Variants in SYNJ2 observed in about 807,000 individuals in gnomAD.
The protein encoded by SYNJ2 is synaptojanin 2, also known as polyphosphatidylinositol phosphatase SYNJ2.
In SYNJ2, 116 loss-of-function variants were observed where a neutral mutation model predicts 141.3. The ratio of observed to expected loss-of-function variants is 0.82; its 90% CI spans 0.71 to 0.96. SYNJ2 has a LOEUF of 0.96. Among genes scored for constraint, SYNJ2 ranks in the 40% least tolerant of loss-of-function variants. The pLI is 0.00. For synonymous variants in SYNJ2, 745 were observed against 777.7 expected, an observed-to-expected ratio of 0.96 and a Z score of 0.70; for missense variants, 1,873 against 1,934.8, an observed-to-expected ratio of 0.97 and a Z score of 0.60.
chr6:158,068,907 G>A (rs982856235), intron 13 of SYNJ2, among the ~76,000 whole-genome samples, 179 bp downstream of exon 13: 2 of 152,158 alleles, frequency 1.3e-5, no homozygotes, highest in Admixed American at 6.5e-5. Context: ...GCACCACCCC[G>A]TTCTTTCCCT....
chr6:158,035,521 G>A (rs897913587), intron 4 of SYNJ2, among the ~76,000 whole-genome samples: 3 of 152,102 alleles, frequency 2.0e-5, no homozygotes, highest in African/African-American at 4.8e-5. Flanking sequence ...AGACTTTGCC[G>A]AAGCTGTTTA....
In SYNJ2 at chr6:158,083,499, T is replaced by C; in HGVS notation, c.2936T>C (p.Ile979Thr). Reference protein sequence around the residue: ...DWLKGLREEIIRKRDSMAPVS... With the variant: ...DWLKGLREEITRKRDSMAPVS... Reference sequence around the variant, plus strand: ...CTGAAAGGTTTGCGAGAGGAGATCATTCGGAAACGAGACAGCATGGCCCCC... The same window carrying C: ...CTGAAAGGTTTGCGAGAGGAGATCACTCGGAAACGAGACAGCATGGCCCCC... The change falls in exon 21 of 27, where the codon ATT becomes ACT. Residue 979 changes from isoleucine to threonine, a missense_variant. Coordinates refer to ENST00000355585, the MANE Select transcript of SYNJ2 (RefSeq NM_003898.4). 1.9e-6 allele frequency: 3 copies of C among 1,614,120 alleles called. No homozygotes were observed. Among genetic ancestry groups the C allele is most frequent in the Non-Finnish European group, 2.5e-6 (3 of 1,180,030 alleles).
chr6:158,062,348 G>A (rs2128363412), intron 8 of SYNJ2, 184 bp downstream of exon 8: 1 of 672,710 alleles, frequency 1.5e-6, no homozygotes, highest in South Asian at 6.6e-5. Flanking sequence ...TGGTTTCCTG[G>A]GTCATAAGCT....
intron 1 of SYNJ2, among the ~76,000 whole-genome samples, chr6:157,989,390 T>C (rs867253961): frequency 4.1e-4 from 60 of 146,906 alleles, no homozygotes; most frequent in African/African-American, 1.5e-3. Context: ...CAGAGAACAA[T>C]ATGTTCAGTA....
rs1439352986 is a variant in SYNJ2, at chr6:158,097,727, T to C, written c.*1363T>C. ...TACCAATTAGACATCTGGAATTTCA[T>C]AATTAGTTTTCATTGTCACTGTCAA... On this transcript the variant is annotated 3_prime_UTR_variant, in exon 27 of 27. Coordinates refer to ENST00000355585, the MANE Select transcript of SYNJ2 (RefSeq NM_003898.4). The C allele has an allele frequency of 1.3e-5, 2 of 152,162 alleles. No individual in the cohort carries two copies. The highest frequency in any genetic ancestry group is 4.8e-5 in the African/African-American group (2 of 41,418). The allele number at this position is 152,162 out of a possible 1,614,324, so 9.4% of individuals were successfully genotyped here.
chr6:158,015,595 A>T (rs1175109040), intron 1 of SYNJ2, among the ~76,000 whole-genome samples: 1 of 152,230 alleles, frequency 6.6e-6, no homozygotes, highest in Non-Finnish European at 1.5e-5. Context: ...GGTTAGCCGT[A>T]TCTCTGACCC....
intron 1 of SYNJ2, among the ~76,000 whole-genome samples, chr6:158,011,027 G>A (rs1015107183): frequency 6.6e-6 from 1 of 151,452 alleles, no homozygotes; most frequent in African/African-American, 2.4e-5. Flanking sequence ...CATAATGGTG[G>A]GGGGACACAT....
chr6:158,017,127 T>C (rs1174019274), intron 1 of SYNJ2, 77 bp from the exon 2 acceptor site: 8 of 1,540,820 alleles, frequency 5.2e-6, no homozygotes, highest in Non-Finnish European at 7.0e-6. Flanking sequence ...GAAGCCAGCT[T>C]GGCAAGCCGG....
intron 4 of SYNJ2, among the ~76,000 whole-genome samples, chr6:158,039,766 C>T (rs1779839236): frequency 7.1e-6 from 1 of 141,814 alleles, no homozygotes. Flanking sequence ...CCCCAGGGTG[C>T]AGGGAGCAAC....
chr6:158,017,048 A>G (rs959556768), intron 1 of SYNJ2, 156 bp from the exon 2 acceptor site: 3 of 1,345,178 alleles, frequency 2.2e-6, no homozygotes, highest in African/African-American at 3.0e-5. Context: ...TTCGCGAATC[A>G]TAAAACCTCC....
At chr6:158,011,314 C>T (rs1306046371) in intron 1 of SYNJ2, among the ~76,000 whole-genome samples, 1 of 152,166 alleles carries the variant, frequency 6.6e-6, no homozygotes, top group Non-Finnish European at 1.5e-5. Context: ...GCCTGGATTT[C>T]AGCTCTCTGG....
rs767387767 is a variant in SYNJ2, at chr6:158,071,807, G to T, written c.2133+13G>T. 1.9e-6 allele frequency: 3 copies of T among 1,610,450 alleles called. No individual in the cohort carries two copies. Among genetic ancestry groups the T allele is most frequent in the Admixed American group, 3.3e-5 (2 of 59,888 alleles). On this transcript the variant is annotated intron_variant, in intron 15 of 26. Transcript: ENST00000355585. The surrounding 1 kb of genome is among the most constrained non-coding windows in gnomAD (Gnocchi z 4.3). ...CTGCTTCCCAATGGTGAGCGGCGCCGTGGGGACAGCCAGCACCTCCCTGCT... is the reference window on the plus strand; with the variant it reads ...CTGCTTCCCAATGGTGAGCGGCGCCTTGGGGACAGCCAGCACCTCCCTGCT...
chr6:158,019,070 C>T lies in SYNJ2; in HGVS notation c.214+1780C>T, dbSNP rs555869230. The stretch of plus-strand genomic sequence containing the variant: ...TGCCTTGCAGGTGTGGCAGGGATGC[C>T]GCGTTCCATCCATGCTGATGCCCTT... On this transcript the variant is annotated intron_variant, in intron 2 of 26. Coordinates refer to ENST00000355585, the MANE Select transcript of SYNJ2 (RefSeq NM_003898.4). Among the ~76,000 whole-genome samples, 8 of 152,362 alleles carry T rather than the reference C, an allele frequency of 5.3e-5. No individual in the cohort carries two copies. The East Asian group carries it at 5.8e-4, about 11-fold the overall frequency.
Position 158,071,068 on chromosome 6 carries a change from A to G in SYNJ2, c.1941-534A>G, listed in dbSNP as rs1781890148. ...CGTGATGGTGGGTACCTGTAATCCC[A>G]GCTACTCAGGAGGCTGAGGCAGGAG... is the stretch of plus-strand genomic sequence containing the variant. On this transcript the variant is annotated intron_variant, in intron 14 of 26. Coordinates refer to ENST00000355585, the MANE Select transcript of SYNJ2 (RefSeq NM_003898.4). The surrounding 1 kb of genome is among the most constrained non-coding windows in gnomAD (Gnocchi z 4.3). Among the ~76,000 whole-genome samples, 1 of 152,204 alleles carries G rather than the reference A, an allele frequency of 6.6e-6. No individual in the cohort carries two copies. The highest frequency in any genetic ancestry group is 1.5e-5 in the Non-Finnish European group (1 of 68,040).
intron 1 of SYNJ2, among the ~76,000 whole-genome samples, chr6:157,999,926 T>C (rs1272992641): frequency 3.3e-5 from 5 of 152,128 alleles, no homozygotes; most frequent in African/African-American, 4.8e-5. Flanking sequence ...CCAGTGTTTT[T>C]CACACATGTT....
At chr6:157,999,848 G>A (rs1231956613) in intron 1 of SYNJ2, among the ~76,000 whole-genome samples, 1 of 152,146 alleles carries the variant, frequency 6.6e-6, no homozygotes, top group African/African-American at 2.4e-5. Context: ...CAGGTGACTG[G>A]GAGACCTGTT....
chr6:158,030,635 C>CA (rs1291614185), intron 3 of SYNJ2: 1 of 152,358 alleles, frequency 6.6e-6, no homozygotes, highest in African/African-American at 2.4e-5. Flanking sequence ...CTCACGCCTG[C>CA]AATCCCAGCA....
At chr6:158,001,623 C>T (rs1475505297) in intron 1 of SYNJ2, 2 of 152,206 alleles carry the variant, frequency 1.3e-5, no homozygotes, top group Non-Finnish European at 2.9e-5. Flanking sequence ...TGGTCTCGAT[C>T]TTCTGACCTC....
chr6:158,059,859 G>A (rs1157001769), intron 7 of SYNJ2, among the ~76,000 whole-genome samples: 1 of 152,198 alleles, frequency 6.6e-6, no homozygotes, highest in African/African-American at 2.4e-5. Context: ...CCGGCCTAGT[G>A]AGTGTAATTT....
Sources: gnomAD v4.1 joint callset for allele counts (sites outside exome capture counted in the v4.1 genomes callset) on GRCh38, gnomAD v4.1.1 for gene constraint, Gnocchi (gnomAD v3.1) non-coding constraint, MANE v1.5 for transcripts, NCBI Gene and HGNC (gene_info 2026-07-23, HGNC 2026-07-21) for gene names.